SIRPA: variants seen among roughly 807,000 people sequenced by gnomAD.
SIRPA encodes the protein signal regulatory protein alpha.
In SIRPA, 9 loss-of-function variants were observed where a neutral mutation model predicts 50.3. The ratio of observed to expected loss-of-function variants is 0.18; its 90% CI spans 0.11 to 0.31. SIRPA has a LOEUF of 0.31. Among genes scored for constraint, SIRPA ranks in the 10% least tolerant of loss-of-function variants. The probability of loss-of-function intolerance (pLI) is 1.00; values close to 1 mark genes in which losing one functional copy is unlikely to be tolerated. For synonymous variants in SIRPA, 265 were observed against 284.1 expected (o/e 0.93, Z 0.68); for missense variants, 474 against 661.6 (o/e 0.72, Z 3.11).
In SIRPA at chr20:1,927,673, C is replaced by T. The variant is rs1986061373; in HGVS notation, c.1202-202C>T. ...ACTTCCAGAAGTGGAAAAGCAGGACCATCTAGCTTACTCCTTCCCAGGCTT... is the reference window on the plus strand; with the variant it reads ...ACTTCCAGAAGTGGAAAAGCAGGACTATCTAGCTTACTCCTTCCCAGGCTT... On this transcript the variant is annotated intron_variant, in intron 5 of 7. Transcript: ENST00000358771. The surrounding 1 kb of genome is among the most constrained non-coding windows in gnomAD (Gnocchi z 6.5). Among the ~76,000 whole-genome samples the T allele has an allele frequency of 6.6e-6, 1 of 152,180 alleles. No individual in the cohort carries two copies. The highest frequency in any genetic ancestry group is 6.5e-5 in the Admixed American group (1 of 15,284).
intron 1 of SIRPA, among the ~76,000 whole-genome samples, chr20:1,908,008 G>A (rs1600404646): frequency 6.6e-6 from 1 of 152,316 alleles, no homozygotes; most frequent in Non-Finnish European, 1.5e-5. Context: ...GCTGTGCCCT[G>A]TGGCCAGCAC....
At chr20:1,897,531 A>G (rs973767323) in intron 1 of SIRPA, among the ~76,000 whole-genome samples, 1 of 152,366 alleles carries the variant, frequency 6.6e-6, no homozygotes, top group East Asian at 1.9e-4. Context: ...AATTTACAAC[A>G]AAGAAGTAGA....
At chr20:1,915,583 T>A in intron 2 of SIRPA, 128 bp downstream of exon 2, 1 of 1,165,756 alleles carries the variant, frequency 8.6e-7, no homozygotes, top group Non-Finnish European at 1.2e-6. Flanking sequence ...TGTCTCCCCC[T>A]TTTACAAATA....
At chr20:1,895,745 TTGTCTC>T (rs1401080930) in intron 1 of SIRPA, among the ~76,000 whole-genome samples, 1 of 152,176 alleles carries the variant, frequency 6.6e-6, no homozygotes, top group Non-Finnish European at 1.5e-5. Context: ...CTATGAGAGT[TTGTCTC>T]TGTGGACTCT....
At position 1,898,094 on chromosome 20, in the gene SIRPA, C is replaced by T. The variant is rs1600386514; in HGVS notation, c.79+2568C>T. Among the ~76,000 whole-genome samples the T allele has an allele frequency of 2.0e-5, 3 of 152,364 alleles. 1 individual carries two copies. The South Asian group carries it at 6.2e-4, about 32-fold the overall frequency. On this transcript the variant is annotated intron_variant, in intron 1 of 7. Transcript: ENST00000358771. The surrounding 1 kb of genome is among the most constrained non-coding windows in gnomAD (Gnocchi z 4.3). ...ACCTCAGATAAACTCCCATTCATTT[C>T]TTCTCTCTGGCCTGGAGGAGGCCAA...
intron 6 of SIRPA, among the ~76,000 whole-genome samples, chr20:1,930,562 T>G (rs1267245926): frequency 1.3e-5 from 2 of 152,140 alleles, no homozygotes; most frequent in Non-Finnish European, 2.9e-5. Flanking sequence ...TAGGAGGATC[T>G]CTCTTTTTTG....
At chr20:1,896,119 A>G (rs1983797522) in intron 1 of SIRPA, among the ~76,000 whole-genome samples, 2 of 152,198 alleles carry the variant, frequency 1.3e-5, no homozygotes, top group South Asian at 4.1e-4. Flanking sequence ...GCTGCGAGCA[A>G]CAGATCCTTA....
At chr20:1,930,926 A>G (rs2122170676) in intron 6 of SIRPA, among the ~76,000 whole-genome samples, 1 of 152,308 alleles carries the variant, frequency 6.6e-6, no homozygotes, top group African/African-American at 2.4e-5. Flanking sequence ...TACCTCCCCG[A>G]TTAGACAATG....
At chr20:1,906,343 A>C (rs1366497756) in intron 1 of SIRPA, among the ~76,000 whole-genome samples, 1 of 152,186 alleles carries the variant, frequency 6.6e-6, no homozygotes, top group Non-Finnish European at 1.5e-5. Flanking sequence ...TATGACAGGG[A>C]GATGAGCGCT....
intron 6 of SIRPA, among the ~76,000 whole-genome samples, chr20:1,929,368 G>A (rs985883665): frequency 2.0e-5 from 3 of 152,092 alleles, no homozygotes; most frequent in Admixed American, 6.5e-5. Flanking sequence ...TATTTTGAAG[G>A]TAGACACAAG....
In SIRPA at chr20:1,924,808, G is replaced by A. The variant is rs1985884548; in HGVS notation, c.1132G>A (p.Val378Met). 3 of 1,614,226 alleles carry A rather than the reference G, an allele frequency of 1.9e-6. No individual in the cohort carries two copies. Among genetic ancestry groups the A allele is most frequent in the Non-Finnish European group, 2.5e-6 (3 of 1,180,048 alleles). ...NERNIYIVVG[V>M]VCTLLVALLM... ...ACGGAACATCTATATTGTGGTGGGT[G>A]TGGTGTGCACCTTGCTGGTGGCCCT... Residue 378 changes from valine (V) to methionine (M), a missense_variant, in exon 5 of 8, where the codon GTG becomes ATG. Transcript: ENST00000358771. The surrounding 1 kb of genome is among the most constrained non-coding windows in gnomAD (Gnocchi z 4.5).
intron 1 of SIRPA, among the ~76,000 whole-genome samples, chr20:1,910,583 C>G (rs1984829949): frequency 6.6e-6 from 1 of 152,132 alleles, no homozygotes; most frequent in Non-Finnish European, 1.5e-5. Context: ...ACCACAGTAG[C>G]AGGAGCTGGG....
chr20:1,920,602 C>T (rs191062440), intron 2 of SIRPA, among the ~76,000 whole-genome samples: 59 of 152,302 alleles, frequency 3.9e-4, no homozygotes, highest in African/African-American at 1.4e-3. Context: ...TAGTGTCTAT[C>T]TAAAACTGAC....
Position 1,934,656 on chromosome 20 carries a change from T to C in SIRPA, c.1227-59T>C, listed in dbSNP as rs1986470443. 6.5e-7 allele frequency: 1 copy of C among 1,546,246 alleles called. No individual in the cohort carries two copies. Among genetic ancestry groups the C allele is most frequent in the Non-Finnish European group, 8.9e-7 (1 of 1,118,744 alleles). On this transcript the variant is annotated intron_variant, in intron 6 of 7. Coordinates refer to ENST00000358771, the MANE Select transcript of SIRPA (RefSeq NM_001040023.2). The surrounding 1 kb of genome is among the most constrained non-coding windows in gnomAD (Gnocchi z 4.6). ...GAGCCTAAATGTTATTCTTATCAGT[T>C]TGCATGAGCACTTGAGATAGTGAGG...
At chr20:1,911,983 A>T (rs927130399) in intron 1 of SIRPA, among the ~76,000 whole-genome samples, 3 of 152,120 alleles carry the variant, frequency 2.0e-5, no homozygotes, top group Non-Finnish European at 4.4e-5. Context: ...TGGAAAAAAC[A>T]TACACATACA....
intron 1 of SIRPA, among the ~76,000 whole-genome samples, chr20:1,897,122 G>A (rs1047452408): frequency 6.6e-6 from 1 of 152,162 alleles, no homozygotes; most frequent in Non-Finnish European, 1.5e-5. Context: ...TGCTCCGATG[G>A]GCAGCCTGCC....
At chr20:1,931,981 G>C (rs1986322330) in intron 6 of SIRPA, among the ~76,000 whole-genome samples, 1 of 152,172 alleles carries the variant, frequency 6.6e-6, no homozygotes, top group African/African-American at 2.4e-5. Context: ...GCCAAGCCTT[G>C]AGCAGAGGGT....
At chr20:1,922,767 T>C in intron 4 of SIRPA, 122 bp downstream of exon 4, 2 of 1,228,286 alleles carry the variant, frequency 1.6e-6, no homozygotes, top group Non-Finnish European at 2.2e-6. Flanking sequence ...AAATATAAAG[T>C]AGAATTTTAA....
intron 6 of SIRPA, among the ~76,000 whole-genome samples, chr20:1,930,820 C>A (rs996474769): frequency 2.6e-5 from 4 of 152,294 alleles, no homozygotes; most frequent in Middle Eastern, 3.4e-3. Context: ...GAACTCCCGA[C>A]CTCAGGTAAT....
Sources: allele counts gnomAD v4.1 joint callset (sites outside exome capture counted in the v4.1 genomes callset), GRCh38; gene constraint gnomAD v4.1.1; non-coding constraint Gnocchi (gnomAD v3.1); transcripts MANE v1.5; gene names NCBI Gene and HGNC (gene_info 2026-07-23, HGNC 2026-07-21).